The following CCDC91 variants were observed in gnomAD, a reference collection of about 807,000 sequenced individuals.
The protein encoded by CCDC91 is coiled-coil domain containing 91.
CCDC91 carries 48 observed loss-of-function variants against 63.2 expected under a neutral mutation model. That is an observed-to-expected ratio of 0.76 (90% CI 0.60 to 0.97). The LOEUF (loss-of-function observed/expected upper bound fraction) is 0.97, where lower values mean the gene tolerates loss of function less well. CCDC91 is among the 50% of genes least tolerant of loss of function. The pLI is 0.00. For synonymous variants in CCDC91, 167 were observed against 165.8 expected, an observed-to-expected ratio of 1.01 and a Z score of -0.06; for missense variants, 500 against 494.6, an observed-to-expected ratio of 1.01 and a Z score of -0.10.
chr12:28,452,953 T>C (rs937955386), intron 11 of CCDC91, among the ~76,000 whole-genome samples: 1 of 151,856 alleles, frequency 6.6e-6, no homozygotes, highest in Non-Finnish European at 1.5e-5. Flanking sequence ...AACCTTTCTG[T>C]GTTGTTTTTC....
chr12:28,367,574 C>G (rs1339933042), intron 7 of CCDC91, among the ~76,000 whole-genome samples: 1 of 152,090 alleles, frequency 6.6e-6, no homozygotes, highest in African/African-American at 2.4e-5. Flanking sequence ...TAAAAACATT[C>G]AAAGTAAGAT....
intron 1 of CCDC91, among the ~76,000 whole-genome samples, chr12:28,218,727 G>GTA (rs1319773116): frequency 6.7e-6 from 1 of 150,212 alleles, no homozygotes; most frequent in African/African-American, 2.5e-5. Context: ...GTGTGTGTGT[G>GTA]TGTATGTATG....
At chr12:28,499,974 G>A (rs190813835) in intron 12 of CCDC91, among the ~76,000 whole-genome samples, 9 of 152,174 alleles carry the variant, frequency 5.9e-5, no homozygotes, top group South Asian at 2.1e-4. Context: ...GTGTAAAAGC[G>A]TTCCTGTTTC....
intron 3 of CCDC91, among the ~76,000 whole-genome samples, chr12:28,282,083 T>C (rs1948641486): frequency 6.6e-6 from 1 of 152,114 alleles, no homozygotes; most frequent in Admixed American, 6.6e-5. Flanking sequence ...AAAGGATAAC[T>C]AAAAGAATGA....
chr12:28,291,395 A>T (rs765982158), intron 3 of CCDC91, among the ~76,000 whole-genome samples: 17 of 152,174 alleles, frequency 1.1e-4, no homozygotes, highest in Non-Finnish European at 1.9e-4. Context: ...CATGGACAAG[A>T]ATTGGGCCCT....
chr12:28,229,332 C>T (rs1944453383), intron 1 of CCDC91, among the ~76,000 whole-genome samples: 1 of 151,830 alleles, frequency 6.6e-6, no homozygotes, highest in African/African-American at 2.4e-5. Flanking sequence ...GAGTGCATAT[C>T]CTGAGCCAGA....
intron 12 of CCDC91, among the ~76,000 whole-genome samples, chr12:28,502,320 C>A: frequency 6.6e-6 from 1 of 151,958 alleles, no homozygotes; most frequent in Admixed American, 6.6e-5. Context: ...CATGAGTGAA[C>A]TCCCATTCAC....
At chr12:28,338,631 T>C (rs1376266593) in intron 6 of CCDC91, among the ~76,000 whole-genome samples, 1 of 151,952 alleles carries the variant, frequency 6.6e-6, no homozygotes, top group Non-Finnish European at 1.5e-5. Flanking sequence ...TAGAAAGCTA[T>C]TTTAAACAAG....
At chr12:28,232,791 T>C (rs1341019945) in intron 1 of CCDC91, among the ~76,000 whole-genome samples, 2 of 152,060 alleles carry the variant, frequency 1.3e-5, no homozygotes, top group Non-Finnish European at 2.9e-5. Flanking sequence ...TAAACTGCTC[T>C]ATGTGATAAT....
chr12:28,391,871 A>G lies in CCDC91; in HGVS notation c.762+460A>G, dbSNP rs75939225. On this transcript the variant is annotated intron_variant, in intron 8 of 12. Coordinates refer to ENST00000536442, the MANE Select transcript of CCDC91 (RefSeq NM_018318.5). ...TTTAATATCTTAGCTTAAATTATTC[A>G]CTGCTTTACATTAAACAAAGCAGCT... is the stretch of plus-strand genomic sequence containing the variant. Among the ~76,000 whole-genome samples, 1,406 of 152,204 alleles carry G rather than the reference A, an allele frequency of 9.2e-3. 27 individuals are homozygous for G. Among genetic ancestry groups the G allele is most frequent in the African/African-American group, 0.032 (1,336 of 41,538 alleles).
chr12:28,421,939 C>T (rs938111753), intron 8 of CCDC91, among the ~76,000 whole-genome samples: 24 of 152,066 alleles, frequency 1.6e-4, no homozygotes, highest in African/African-American at 5.8e-4. Flanking sequence ...TTGAGATTGA[C>T]ATCACTTTGT....
intron 7 of CCDC91, among the ~76,000 whole-genome samples, chr12:28,367,039 G>A (rs770913024): frequency 1.3e-5 from 2 of 152,018 alleles, no homozygotes; most frequent in Non-Finnish European, 2.9e-5. Context: ...GATTTCAAAC[G>A]TCTAGATTTC....
At chr12:28,446,671 C>A (rs1320695614) in intron 8 of CCDC91, among the ~76,000 whole-genome samples, 1 of 152,086 alleles carries the variant, frequency 6.6e-6, no homozygotes, top group Admixed American at 6.6e-5. Flanking sequence ...TATCCTGTTG[C>A]CCGGGCTGGT....
intron 12 of CCDC91, among the ~76,000 whole-genome samples, chr12:28,532,914 A>G (rs1207592922): frequency 2.0e-5 from 3 of 152,118 alleles, no homozygotes; most frequent in African/African-American, 4.8e-5. Flanking sequence ...AATGGGTATC[A>G]TTGGCTATTG....
chr12:28,256,410 T>G (rs2136159910), intron 1 of CCDC91, among the ~76,000 whole-genome samples: 1 of 152,212 alleles, frequency 6.6e-6, no homozygotes, highest in Admixed American at 6.5e-5. Flanking sequence ...TTGCATGGTT[T>G]GTTTGATAAA....
At chr12:28,452,710 G>GAGA in intron 11 of CCDC91, 56 bp downstream of exon 11, 1 of 902,890 alleles carries the variant, frequency 1.1e-6, no homozygotes, top group African/African-American at 1.7e-5. Context: ...TTCTCAAAAT[G>GAGA]AAGTACCCTT....
intron 11 of CCDC91, among the ~76,000 whole-genome samples, chr12:28,455,137 A>C (rs192865507): frequency 2.0e-3 from 270 of 133,918 alleles, no homozygotes; most frequent in Middle Eastern, 4.1e-3. Context: ...AAAAATAGGC[A>C]TGTAGAAAAC....
At chr12:28,230,927 T>C (rs952695571) in intron 1 of CCDC91, among the ~76,000 whole-genome samples, 4 of 152,202 alleles carry the variant, frequency 2.6e-5, no homozygotes, top group Admixed American at 2.6e-4. Flanking sequence ...ACCTGGCCTT[T>C]ATGCCATTAT....
chr12:28,516,846 C>A (rs1940003047), intron 12 of CCDC91, among the ~76,000 whole-genome samples: 1 of 151,850 alleles, frequency 6.6e-6, no homozygotes, highest in South Asian at 2.1e-4. Flanking sequence ...AAGGGCAGAG[C>A]CCTCATGATA....
Sources: allele counts gnomAD v4.1 joint callset (sites outside exome capture counted in the v4.1 genomes callset), GRCh38; gene constraint gnomAD v4.1.1; transcripts MANE v1.5; gene names NCBI Gene and HGNC (gene_info 2026-07-23, HGNC 2026-07-21).